The following TSPAN5 variants were observed in gnomAD, a reference collection of about 807,000 sequenced individuals.
TSPAN5 encodes tetraspanin 5.
In TSPAN5, 10 loss-of-function variants were observed where a neutral mutation model predicts 37.1. That is an observed-to-expected ratio of 0.27 (90% CI 0.17 to 0.46). TSPAN5 has a LOEUF of 0.46. Among genes scored for constraint, TSPAN5 ranks in the 20% least tolerant of loss-of-function variants. TSPAN5 has a pLI of 1.00. For missense variants in TSPAN5, 195 were observed against 326.6 expected (o/e 0.60, Z 3.11); for synonymous variants, 110 against 118.9 (o/e 0.93, Z 0.48).
rs537526760 is a variant in TSPAN5 at position 98,512,481 on chromosome 4, G to A, written c.82-4753C>T. Among the ~76,000 whole-genome samples, 5 of 152,316 alleles carry A rather than the reference G, an allele frequency of 3.3e-5. No individual in the cohort carries two copies. In the South Asian group the frequency reaches 8.3e-4, roughly 25 times the overall value. ...AGGAATGAGAACAGCCCTCAGGCAG[G>A]CTGATGGAAGCCTTCAGGCATAGCA... is the stretch of plus-strand genomic sequence containing the variant. On this transcript the variant is annotated intron_variant, in intron 1 of 7. Coordinates refer to ENST00000305798, the MANE Select transcript of TSPAN5 (RefSeq NM_005723.4).
At chr4:98,635,685 A>C (rs1756841981) in intron 1 of TSPAN5, among the ~76,000 whole-genome samples, 1 of 152,232 alleles carries the variant, frequency 6.6e-6, no homozygotes, top group African/African-American at 2.4e-5. Context: ...GATTGCCCAG[A>C]GCCATTCAAA....
chr4:98,644,697 T>C (rs1757026387), intron 1 of TSPAN5, among the ~76,000 whole-genome samples: 1 of 152,166 alleles, frequency 6.6e-6, no homozygotes, highest in African/African-American at 2.4e-5. Flanking sequence ...ATACCTATAG[T>C]AACTTGAAAG....
intron 1 of TSPAN5, among the ~76,000 whole-genome samples, chr4:98,539,774 G>A (rs1754317990): frequency 6.6e-6 from 1 of 151,932 alleles, no homozygotes; most frequent in Admixed American, 6.6e-5. Flanking sequence ...TTATACCGGG[G>A]TTGGTTGTGT....
At chr4:98,637,326 G>T (rs956580252) in intron 1 of TSPAN5, among the ~76,000 whole-genome samples, 5 of 152,102 alleles carry the variant, frequency 3.3e-5, no homozygotes, top group African/African-American at 1.2e-4. Flanking sequence ...GGGATAAGAG[G>T]TCACTCTCCC....
Position 98,476,606 on chromosome 4 carries a change from T to C in TSPAN5, c.577-146A>G, listed in dbSNP as rs552191294. On this transcript the variant is annotated intron_variant, in intron 5 of 7. Transcript: ENST00000305798. ...GCAGCACTATGTTAAACACTTTATA[T>C]ACATGATCCCATGTCATTATTGCGA... is the stretch of plus-strand genomic sequence containing the variant. 1.6e-5 allele frequency: 11 copies of C among 684,524 alleles called. No homozygotes were observed. In the East Asian group the frequency reaches 2.4e-4, roughly 15 times the overall value. The allele number at this position is 684,524 out of a possible 1,614,324, so 42.4% of individuals were successfully genotyped here. A position where few individuals can be genotyped will look rare whatever the true frequency, so the allele number is the denominator to read the frequency against.
intron 1 of TSPAN5, among the ~76,000 whole-genome samples, chr4:98,640,332 A>G (rs1756937996): frequency 6.6e-6 from 1 of 152,200 alleles, no homozygotes; most frequent in South Asian, 2.1e-4. Context: ...ACGTATTTCA[A>G]TTAGTAATTA....
chr4:98,537,137 G>A lies in TSPAN5; in HGVS notation c.82-29409C>T, dbSNP rs192621158. On this transcript the variant is annotated intron_variant, in intron 1 of 7. Transcript: ENST00000305798. ...CCAGGGCCCTGGTGGGGTGGGCACC[G>A]GAGGGAATCTCCTGGTTTGTGGGTT... 1.7e-3 allele frequency among the ~76,000 whole-genome samples: 257 copies of A among 152,320 alleles called. 2 individuals are homozygous for A. The highest frequency in any genetic ancestry group is 6.0e-3 in the African/African-American group (250 of 41,570).
At chr4:98,538,525 C>T (rs1754288666) in intron 1 of TSPAN5, among the ~76,000 whole-genome samples, 2 of 152,232 alleles carry the variant, frequency 1.3e-5, no homozygotes, top group African/African-American at 2.4e-5. Flanking sequence ...CTACTGCAAC[C>T]TGTGGCTCAA....
intron 2 of TSPAN5, among the ~76,000 whole-genome samples, chr4:98,503,175 T>C (rs890223356): frequency 6.6e-6 from 1 of 151,912 alleles, no homozygotes; most frequent in Non-Finnish European, 1.5e-5. Context: ...GTGAGGTGGA[T>C]GGGGTAACCA....
At chr4:98,519,358 G>A (rs541465637) in intron 1 of TSPAN5, among the ~76,000 whole-genome samples, 1 of 152,238 alleles carries the variant, frequency 6.6e-6, no homozygotes, top group South Asian at 2.1e-4. Flanking sequence ...GATTAGCCGG[G>A]CATGGTGGTA....
chr4:98,513,873 G>GATAGATAA (rs1256354004), intron 1 of TSPAN5, among the ~76,000 whole-genome samples: 35 of 99,404 alleles, frequency 3.5e-4, no homozygotes, highest in African/African-American at 1.2e-3. Flanking sequence ...TAGATAGATA[G>GATAGATAA]ATAGATAGAT....
intron 2 of TSPAN5, among the ~76,000 whole-genome samples, chr4:98,496,893 G>A (rs1399135714): frequency 1.3e-5 from 2 of 152,142 alleles, no homozygotes; most frequent in African/African-American, 4.8e-5. Context: ...TGGACTAAAT[G>A]TTCGTGACTC....
intron 1 of TSPAN5, among the ~76,000 whole-genome samples, chr4:98,513,822 T>G (rs942669448): frequency 3.3e-5 from 5 of 152,062 alleles, no homozygotes; most frequent in African/African-American, 9.7e-5. Context: ...AATATACATA[T>G]ATTTCCAACA....
intron 1 of TSPAN5, among the ~76,000 whole-genome samples, chr4:98,648,674 C>T (rs894472033): frequency 6.6e-6 from 1 of 151,928 alleles, no homozygotes. Context: ...TTTTTTTTCT[C>T]GTAAGCAAAG....
intron 1 of TSPAN5, among the ~76,000 whole-genome samples, chr4:98,566,433 T>C (rs968893324): frequency 1.3e-5 from 2 of 152,092 alleles, no homozygotes; most frequent in Admixed American, 6.5e-5. Flanking sequence ...GACCTTTGCA[T>C]TAGAAAAAGA....
Position 98,470,838 on chromosome 4 carries a change from T to C in TSPAN5, c.*1684A>G, listed in dbSNP as rs1229898145. On this transcript the variant is annotated 3_prime_UTR_variant, in exon 8 of 8. Coordinates refer to ENST00000305798, the MANE Select transcript of TSPAN5 (RefSeq NM_005723.4). ...ATTCATCGGCCACCACCATGCACCA[T>C]GGGGCTGAAATGGAAAACCTCGCTT... The C allele has an allele frequency of 6.6e-6, 1 of 152,232 alleles. No homozygotes were observed. The highest frequency in any genetic ancestry group is 6.5e-5 in the Admixed American group (1 of 15,284). 9.4% of individuals were successfully genotyped at this position (152,232 alleles called of 1,614,324 possible). A position where few individuals can be genotyped will look rare whatever the true frequency, so the allele number is the denominator to read the frequency against.
intron 1 of TSPAN5, among the ~76,000 whole-genome samples, chr4:98,549,297 T>G (rs1221897314): frequency 4.0e-5 from 5 of 125,204 alleles, no homozygotes; most frequent in South Asian, 2.3e-4. Context: ...TGTTTGTTTG[T>G]TTTTGTTTTT....
chr4:98,639,253 A>G (rs927169373), intron 1 of TSPAN5, among the ~76,000 whole-genome samples: 1 of 152,196 alleles, frequency 6.6e-6, no homozygotes, highest in African/African-American at 2.4e-5. Context: ...AAGCAGCAGT[A>G]CATGCCTCTC....
chr4:98,609,506 T>C (rs543922111), intron 1 of TSPAN5, among the ~76,000 whole-genome samples: 1 of 152,090 alleles, frequency 6.6e-6, no homozygotes, highest in Non-Finnish European at 1.5e-5. Flanking sequence ...TGAAAAACAG[T>C]GGCAACAGCC....
Sources: gnomAD v4.1 joint callset for allele counts (sites outside exome capture counted in the v4.1 genomes callset) on GRCh38, gnomAD v4.1.1 for gene constraint, MANE v1.5 for transcripts, NCBI Gene and HGNC (gene_info 2026-07-23, HGNC 2026-07-21) for gene names.